CDH18: variants seen among roughly 807,000 people sequenced by gnomAD.
CDH18 encodes the protein cadherin-18.
CDH18 carries 31 observed loss-of-function variants against 67.9 expected under a neutral mutation model. That is an observed-to-expected ratio of 0.46 (90% confidence interval 0.34 to 0.62). The LOEUF (loss-of-function observed/expected upper bound fraction) is 0.62. Among genes scored for constraint, CDH18 ranks in the 20% least tolerant of loss-of-function variants. The probability of loss-of-function intolerance (pLI) is 0.01; values close to 1 mark genes in which losing one functional copy is unlikely to be tolerated. For synonymous variants in CDH18, 362 were observed against 347.2 expected, an observed-to-expected ratio of 1.04 and a Z score of -0.48; for missense variants, 890 against 975.5, an observed-to-expected ratio of 0.91 and a Z score of 1.17.
At chr5:19,724,816 C>A (rs184280456) in intron 4 of CDH18, among the ~76,000 whole-genome samples, 1 of 152,226 alleles carries the variant, frequency 6.6e-6, no homozygotes, top group Non-Finnish European at 1.5e-5. Context: ...TACCGCTAAC[C>A]TTTCTGGCTT....
chr5:19,594,552 G>T (rs1034921675), intron 6 of CDH18, among the ~76,000 whole-genome samples: 1 of 152,158 alleles, frequency 6.6e-6, no homozygotes. Context: ...GCTCTACTCT[G>T]TTCCACTGGC....
At chr5:19,512,134 G>C (rs1226489698) in intron 10 of CDH18, among the ~76,000 whole-genome samples, 1 of 152,138 alleles carries the variant, frequency 6.6e-6, no homozygotes, top group East Asian at 1.9e-4. Context: ...CCAAGAGCAA[G>C]GGCTGGGTGT....
At chr5:19,912,106 G>C (rs140018133) in intron 2 of CDH18, among the ~76,000 whole-genome samples, 142 of 151,352 alleles carry the variant, frequency 9.4e-4, no homozygotes, top group East Asian at 4.3e-3. Context: ...TTAAAGACAT[G>C]TGTGAAAGTG....
At chr5:19,510,718 AC>A (rs1290749326) in intron 10 of CDH18, among the ~76,000 whole-genome samples, 1 of 152,044 alleles carries the variant, frequency 6.6e-6, no homozygotes, top group Non-Finnish European at 1.5e-5. Context: ...ATCCCACATA[AC>A]CCCTACCTGG....
chr5:19,887,770 C>T (rs1788375622), intron 2 of CDH18, among the ~76,000 whole-genome samples: 1 of 151,342 alleles, frequency 6.6e-6, no homozygotes, highest in Non-Finnish European at 1.5e-5. Flanking sequence ...CTGGGTCTCA[C>T]CTTGCTCCCC....
chr5:20,418,462 A>C (rs1747535039), intron 1 of CDH18, among the ~76,000 whole-genome samples: 1 of 151,542 alleles, frequency 6.6e-6, no homozygotes, highest in Admixed American at 6.6e-5. Context: ...TCGGTTAAAC[A>C]CATGCGCATG....
chr5:20,303,008 A>G (rs553314736), intron 1 of CDH18, among the ~76,000 whole-genome samples: 1 of 151,598 alleles, frequency 6.6e-6, no homozygotes, highest in African/African-American at 2.4e-5. Flanking sequence ...AAAAGTAAAA[A>G]TATTTCAGAT....
intron 1 of CDH18, among the ~76,000 whole-genome samples, chr5:20,549,248 T>C (rs1757504905): frequency 6.6e-6 from 1 of 152,204 alleles, no homozygotes; most frequent in Non-Finnish European, 1.5e-5. Flanking sequence ...TATGTGGTTT[T>C]ATAAATGTTT....
At chr5:20,169,955 T>TAAG (rs1385679047) in intron 2 of CDH18, among the ~76,000 whole-genome samples, 2 of 152,056 alleles carry the variant, frequency 1.3e-5, no homozygotes, top group African/African-American at 4.8e-5. Context: ...TATTAAACAA[T>TAAG]AAGTTTTTAA....
At chr5:20,505,070 A>G (rs1332419821) in intron 1 of CDH18, among the ~76,000 whole-genome samples, 2 of 149,640 alleles carry the variant, frequency 1.3e-5, no homozygotes, top group Admixed American at 1.4e-4. Flanking sequence ...CCTGGCCACA[A>G]AAGGGAACTT....
intron 1 of CDH18, among the ~76,000 whole-genome samples, chr5:20,357,424 C>T (rs185224028): frequency 6.6e-6 from 1 of 152,072 alleles, no homozygotes; most frequent in East Asian, 1.9e-4. Context: ...AAAAATATAC[C>T]AAAATAACCT....
chr5:19,473,200 T>A lies in CDH18; in HGVS notation c.*26A>T. On this transcript the variant is annotated 3_prime_UTR_variant, in exon 13 of 13. Coordinates refer to ENST00000382275, the MANE Select transcript of CDH18 (RefSeq NM_004934.5). ...ATATCCACTTACTCAGGAAGCAAAT[T>A]CCACAAGGTTGCAAGAACTGACCCC... The A allele has an allele frequency of 1.2e-6, 2 of 1,602,236 alleles. No homozygotes were observed.
intron 2 of CDH18, among the ~76,000 whole-genome samples, chr5:19,870,188 T>C (rs1406585077): frequency 2.6e-5 from 4 of 152,134 alleles, no homozygotes; most frequent in Non-Finnish European, 4.4e-5. Flanking sequence ...TGTCCTTACT[T>C]TGAGTCAGTT....
At chr5:20,198,833 C>T (rs2126744337) in intron 2 of CDH18, among the ~76,000 whole-genome samples, 1 of 152,302 alleles carries the variant, frequency 6.6e-6, no homozygotes, top group African/African-American at 2.4e-5. Context: ...GACCCAGTTG[C>T]TCCAGCTGTG....
intron 5 of CDH18, among the ~76,000 whole-genome samples, chr5:19,652,009 C>T (rs1011758639): frequency 2.0e-5 from 3 of 151,914 alleles, no homozygotes; most frequent in Non-Finnish European, 4.4e-5. Context: ...AAATGATTAA[C>T]GATTCATAGC....
Position 19,874,202 on chromosome 5 carries a change from A to G in CDH18, c.-256-34960T>C, listed in dbSNP as rs992368606. Among the ~76,000 whole-genome samples, 15 of 152,008 alleles carry G rather than the reference A, an allele frequency of 9.9e-5. No individual in the cohort carries two copies. The East Asian group carries it at 2.7e-3, about 28-fold the overall frequency. ...GTGAAGATCTGGTGAAATGTGATCT[A>G]TATTCTGTTTGGCATTGACCTCTCT... On this transcript the variant is annotated intron_variant, in intron 2 of 12. Coordinates refer to ENST00000382275, the MANE Select transcript of CDH18 (RefSeq NM_004934.5).
chr5:20,152,851 C>T (rs1751229990), intron 2 of CDH18, among the ~76,000 whole-genome samples: 1 of 151,778 alleles, frequency 6.6e-6, no homozygotes. Flanking sequence ...AAGTTGTTTA[C>T]TGATCCCTAT....
chr5:19,873,010 A>T (rs969240900), intron 2 of CDH18, among the ~76,000 whole-genome samples: 5 of 152,160 alleles, frequency 3.3e-5, no homozygotes, highest in Non-Finnish European at 7.3e-5. Flanking sequence ...AAGTATATAA[A>T]TAGTGAAGGG....
intron 2 of CDH18, among the ~76,000 whole-genome samples, chr5:20,118,804 G>A (rs983637779): frequency 6.6e-6 from 1 of 152,058 alleles, no homozygotes; most frequent in Admixed American, 6.6e-5. Context: ...ACAATCCCAG[G>A]AAGAACTCAT....
Sources: allele counts gnomAD v4.1 joint callset (sites outside exome capture counted in the v4.1 genomes callset), GRCh38; gene constraint gnomAD v4.1.1; transcripts MANE v1.5; gene names NCBI Gene and HGNC (gene_info 2026-07-23, HGNC 2026-07-21).